Variants in FLI1 observed in about 807,000 individuals in gnomAD.
FLI1 encodes the protein Fli-1 proto-oncogene, ETS transcription factor.
A neutral mutation model predicts 53.1 loss-of-function variants in FLI1; 13 were observed. The observed-to-expected ratio is 0.24, with a 90% CI of 0.16 to 0.39. The LOEUF is 0.39. FLI1 is among the 10% of genes least tolerant of loss of function. The probability of loss-of-function intolerance (pLI) is 1.00; values close to 1 mark genes in which losing one functional copy is unlikely to be tolerated. For synonymous variants in FLI1, 244 were observed against 236.7 expected (o/e 1.03, Z -0.28); for missense variants, 424 against 600.5 (o/e 0.71, Z 3.07).
chr11:128,799,832 C>T (rs1942574613), intron 5 of FLI1, among the ~76,000 whole-genome samples: 1 of 152,198 alleles, frequency 6.6e-6, no homozygotes, highest in Non-Finnish European at 1.5e-5. Context: ...AGAGCAGCTT[C>T]TGCAGGTTGG....
At chr11:128,769,626 C>T (rs1453823834) in intron 3 of FLI1, among the ~76,000 whole-genome samples, 2 of 152,124 alleles carry the variant, frequency 1.3e-5, no homozygotes, top group South Asian at 4.1e-4. Context: ...ACGGGTGGGG[C>T]TTGTAGAAAT....
intron 5 of FLI1, among the ~76,000 whole-genome samples, chr11:128,786,265 T>C (rs1942078056): frequency 6.6e-6 from 1 of 152,188 alleles, no homozygotes; most frequent in African/African-American, 2.4e-5. Flanking sequence ...ACTGGGCGGT[T>C]GTCTGGACCC....
At chr11:128,689,618 A>G (rs913225789), upstream of FLI1, among the ~76,000 whole-genome samples, 3 of 152,172 alleles carry the variant, frequency 2.0e-5, no homozygotes, top group Admixed American at 1.3e-4. Flanking sequence ...CTTAGAATGA[A>G]TGCTGTTTGG....
At chr11:128,764,757 CT>C in intron 2 of FLI1, 3 of 1,588,230 alleles carry the variant, frequency 1.9e-6, no homozygotes, top group Non-Finnish European at 2.6e-6. Flanking sequence ...CTTGCGCTGG[CT>C]GGAGGAGGCA....
intron 4 of FLI1, among the ~76,000 whole-genome samples, chr11:128,774,862 A>G (rs1473965308): frequency 6.6e-6 from 1 of 152,178 alleles, no homozygotes; most frequent in Non-Finnish European, 1.5e-5. Context: ...AGTGAGACAA[A>G]TGCCTGAGAA....
intron 4 of FLI1, among the ~76,000 whole-genome samples, chr11:128,776,024 A>G (rs1050712366): frequency 5.9e-5 from 9 of 152,256 alleles, no homozygotes; most frequent in African/African-American, 1.4e-4. Context: ...GGAAAACTTC[A>G]TAGGATAAGA....
intron 1 of FLI1, among the ~76,000 whole-genome samples, chr11:128,757,093 T>TTTCTTTCTTTCTTTCA (rs1565484383): frequency 8.1e-5 from 11 of 135,798 alleles, no homozygotes; most frequent in Admixed American, 7.3e-5. Context: ...TCTTTCTTTC[T>TTTCTTTCTTTCTTTCA]TTCTTTCTTT....
At chr11:128,809,347 T>C in intron 8 of FLI1, 143 bp downstream of exon 8, 1 of 754,494 alleles carries the variant, frequency 1.3e-6, no homozygotes, top group Non-Finnish European at 2.3e-6. Context: ...TGTCTGTTTC[T>C]GGAGCATGTG....
chr11:128,795,007 T>C (rs1942388277), intron 5 of FLI1, among the ~76,000 whole-genome samples: 1 of 151,992 alleles, frequency 6.6e-6, no homozygotes, highest in South Asian at 2.1e-4. Flanking sequence ...GCCTGGGAGG[T>C]CAAAGCTGCA....
chr11:128,796,535 G>C (rs986984765), intron 5 of FLI1, among the ~76,000 whole-genome samples: 9 of 152,212 alleles, frequency 5.9e-5, no homozygotes, highest in African/African-American at 2.2e-4. Flanking sequence ...AGGAGCCTCT[G>C]ATGCTGTGAT....
At chr11:128,718,146 A>G (rs1408522808) in intron 1 of FLI1, among the ~76,000 whole-genome samples, 1 of 152,220 alleles carries the variant, frequency 6.6e-6, no homozygotes, top group Non-Finnish European at 1.5e-5. Context: ...ATATGTCAAG[A>G]TACAGCAACT....
intron 1 of FLI1, among the ~76,000 whole-genome samples, chr11:128,708,682 C>T (rs1374930613): frequency 1.3e-5 from 2 of 152,070 alleles, no homozygotes; most frequent in Non-Finnish European, 2.9e-5. Context: ...TCAAGAAAAG[C>T]GTGAATTAAT....
At chr11:128,759,257 T>G (rs55859508) in intron 2 of FLI1, among the ~76,000 whole-genome samples, 15,661 of 152,186 alleles carry the variant, frequency 0.1, 1,108 homozygotes, top group Non-Finnish European at 0.15. Flanking sequence ...CAGAGGGCCC[T>G]GAATGGCAGG....
At chr11:128,705,536 A>T (rs868135169) in intron 1 of FLI1, among the ~76,000 whole-genome samples, 4 of 152,118 alleles carry the variant, frequency 2.6e-5, no homozygotes, top group Middle Eastern at 3.2e-3. Context: ...AATTTTTTTT[A>T]AAAAACATAA....
chr11:128,761,177 G>C (rs551279161), intron 2 of FLI1, among the ~76,000 whole-genome samples: 1 of 152,176 alleles, frequency 6.6e-6, no homozygotes, highest in Non-Finnish European at 1.5e-5. Context: ...TAGACCCCCA[G>C]GCACCCTCGT....
intron 1 of FLI1, chr11:128,748,259 A>G (rs1350956913): frequency 1.2e-5 from 12 of 984,612 alleles, no homozygotes; most frequent in Non-Finnish European, 1.4e-5. Flanking sequence ...TGGGTCATCC[A>G]CTGCTGAGCC....
At chr11:128,759,363 A>G (rs1279477610) in intron 2 of FLI1, among the ~76,000 whole-genome samples, 1 of 152,238 alleles carries the variant, frequency 6.6e-6, no homozygotes, top group African/African-American at 2.4e-5. Flanking sequence ...CAGACGTGAC[A>G]TTTAACCTCA....
chr11:128,748,957 C>A (rs946084075), intron 1 of FLI1, among the ~76,000 whole-genome samples: 2 of 152,174 alleles, frequency 1.3e-5, no homozygotes, highest in African/African-American at 2.4e-5. Context: ...TCTATTTGAT[C>A]GTTCTCATTT....
At chr11:128,741,501 T>G (rs537644274) in intron 1 of FLI1, among the ~76,000 whole-genome samples, 4 of 152,238 alleles carry the variant, frequency 2.6e-5, no homozygotes, top group African/African-American at 7.2e-5. Flanking sequence ...TACTGTGGAC[T>G]CTCTCTCCCG....
Sources: allele counts gnomAD v4.1 joint callset (sites outside exome capture counted in the v4.1 genomes callset), GRCh38; gene constraint gnomAD v4.1.1; transcripts MANE v1.5; gene names NCBI Gene and HGNC (gene_info 2026-07-23, HGNC 2026-07-21).